Variants in NECTIN2 observed in about 807,000 individuals in gnomAD.
The protein encoded by NECTIN2 is nectin cell adhesion molecule 2.
In NECTIN2, 23 loss-of-function variants were observed where a neutral mutation model predicts 56.9. The observed-to-expected ratio is 0.40, with a 90% CI of 0.29 to 0.57. The LOEUF is 0.57. Ranked by LOEUF, NECTIN2 falls within the 20% of genes least tolerant of loss-of-function variation. The probability of loss-of-function intolerance (pLI) is 0.38; values close to 1 mark genes in which losing one functional copy is unlikely to be tolerated. For synonymous variants in NECTIN2, 302 were observed against 313.8 expected, an observed-to-expected ratio of 0.96 and a Z score of 0.40; for missense variants, 587 against 718.3, an observed-to-expected ratio of 0.82 and a Z score of 2.09.
intron 1 of NECTIN2, among the ~76,000 whole-genome samples, chr19:44,857,797 C>T (rs1226343398): frequency 1.3e-5 from 2 of 150,468 alleles, no homozygotes; most frequent in African/African-American, 2.5e-5. Context: ...CCACCCACTT[C>T]GGCCTCCCAT....
In NECTIN2 at chr19:44,889,066, C is replaced by T. The variant is rs1264492006; in HGVS notation, c.*687C>T. ...GCCCCAGCCTTGGGAGAAGAATTTA[C>T]TGTTAACCTGGAAGACTACTGAATC... On this transcript the variant is annotated 3_prime_UTR_variant, in exon 9 of 9. Transcript: ENST00000252483. 6.6e-6 allele frequency: 1 copy of T among 151,872 alleles called. No homozygotes were observed. The highest frequency in any genetic ancestry group is 2.4e-5 in the African/African-American group (1 of 41,378). The allele number at this position is 151,872 out of a possible 1,614,324, so 9.4% of individuals were successfully genotyped here. A position where few individuals can be genotyped will look rare whatever the true frequency, so the allele number is the denominator to read the frequency against.
chr19:44,860,372 G>A (rs1300530271), intron 1 of NECTIN2, among the ~76,000 whole-genome samples: 1 of 152,002 alleles, frequency 6.6e-6, no homozygotes, highest in Non-Finnish European at 1.5e-5. Context: ...AATTAGCTGG[G>A]TTTGGTGGCT....
chr19:44,848,789 TCTC>T (rs1007397608), intron 1 of NECTIN2, among the ~76,000 whole-genome samples: 21 of 151,808 alleles, frequency 1.4e-4, no homozygotes, highest in African/African-American at 4.6e-4. Context: ...CTTTCTCTCT[TCTC>T]CTCTCCCCAT....
At chr19:44,861,182 G>A (rs891427975) in intron 1 of NECTIN2, among the ~76,000 whole-genome samples, 7 of 152,110 alleles carry the variant, frequency 4.6e-5, no homozygotes, top group African/African-American at 1.2e-4. Flanking sequence ...TAAAGGGACC[G>A]CTTACCCACT....
intron 5 of NECTIN2, chr19:44,881,877 G>A (rs368375013): frequency 3.2e-5 from 6 of 185,244 alleles, no homozygotes; most frequent in Middle Eastern, 2.2e-3. Flanking sequence ...TATCACTTCC[G>A]CACTGTATAT....
chr19:44,868,266 G>T (rs1316573453), intron 2 of NECTIN2, among the ~76,000 whole-genome samples: 2 of 151,388 alleles, frequency 1.3e-5, no homozygotes, highest in Non-Finnish European at 2.9e-5. Context: ...AAGAGGCTGA[G>T]GTGGGAGGAT....
intron 1 of NECTIN2, among the ~76,000 whole-genome samples, chr19:44,849,291 G>C (rs1007595890): frequency 1.3e-5 from 2 of 152,112 alleles, no homozygotes; most frequent in Non-Finnish European, 2.9e-5. Flanking sequence ...AAGGGAGCTA[G>C]ACATAGATAC....
At chr19:44,882,556 A>C (rs1377657458) in intron 6 of NECTIN2, among the ~76,000 whole-genome samples, 192 bp downstream of exon 6, 1 of 151,932 alleles carries the variant, frequency 6.6e-6, no homozygotes, top group Admixed American at 6.6e-5. Context: ...GAATTTAAAA[A>C]TTAGCTGGGG....
intron 1 of NECTIN2, among the ~76,000 whole-genome samples, chr19:44,849,295 T>G (rs1322672210): frequency 2.6e-5 from 4 of 151,226 alleles, no homozygotes; most frequent in African/African-American, 9.7e-5. Flanking sequence ...GAGCTAGACA[T>G]AGATACCAGA....
intron 2 of NECTIN2, among the ~76,000 whole-genome samples, chr19:44,870,215 G>A (rs559352418): frequency 3.3e-5 from 5 of 152,318 alleles, no homozygotes; most frequent in African/African-American, 7.2e-5. Context: ...TGAGGAGGGC[G>A]TGGATGGGGA....
intron 1 of NECTIN2, among the ~76,000 whole-genome samples, chr19:44,864,022 C>CCA (rs1555786364): frequency 2.0e-4 from 29 of 148,276 alleles, no homozygotes; most frequent in African/African-American, 4.7e-4. Context: ...TCCCCCCCCC[C>CCA]AAAAAAAAAT....
Position 44,874,389 on chromosome 19 carries a change from C to T in NECTIN2, c.953C>T (p.Ala318Val), listed in dbSNP as rs1435447572. Residue 318 changes from alanine to valine, a missense_variant, in exon 5 of 9, where the codon GCA (alanine) becomes GTA (valine). Coordinates refer to ENST00000252483, the MANE Select transcript of NECTIN2 (RefSeq NM_001042724.2). This position sits in a 1 kb window ranked among gnomAD's most constrained non-coding sequence, Gnocchi z 6.3. Reference sequence around the variant, plus strand: ...CAGGGCTCCCAGCTGGTCATCCACGCAGTGGACAGTCTGTTCAATACCACC... The same window carrying T: ...CAGGGCTCCCAGCTGGTCATCCACGTAGTGGACAGTCTGTTCAATACCACC... ...VAQGSQLVIH[A>V]VDSLFNTTFV... The T allele has an allele frequency of 1.9e-6, 3 of 1,614,138 alleles. No homozygotes were observed. The Admixed American group carries it at 5.0e-5, about 27-fold the overall frequency.
At chr19:44,870,722 T>G (rs1185503296) in intron 2 of NECTIN2, among the ~76,000 whole-genome samples, 2 of 151,642 alleles carry the variant, frequency 1.3e-5, no homozygotes, top group African/African-American at 4.9e-5. Flanking sequence ...TTTGCTTTTT[T>G]TTTTTCCTTT....
At position 44,886,234 on chromosome 19, in the gene NECTIN2, G is replaced by A; in HGVS notation, c.1347+15G>A. The A allele has an allele frequency of 1.2e-6, 2 of 1,600,548 alleles. No individual in the cohort carries two copies. The highest frequency in any genetic ancestry group is 4.5e-5 in the East Asian group (2 of 44,814). On this transcript the variant is annotated intron_variant, in intron 8 of 8. Coordinates refer to ENST00000252483, the MANE Select transcript of NECTIN2 (RefSeq NM_001042724.2). Reference sequence around the variant, plus strand: ...GCACTGAGCAGGTAGGAGCTCATGGGAAGACAAAGGTGGGTTGGGGGTCTG... The same window carrying A: ...GCACTGAGCAGGTAGGAGCTCATGGAAAGACAAAGGTGGGTTGGGGGTCTG...
intron 6 of NECTIN2, among the ~76,000 whole-genome samples, chr19:44,885,554 C>T (rs375454686): frequency 1.3e-5 from 2 of 148,410 alleles, no homozygotes; most frequent in South Asian, 2.2e-4. Context: ...TCAGATGATC[C>T]GCCCGCCTCA....
In NECTIN2 at chr19:44,882,316, GGCA is replaced by G; in HGVS notation, c.1154_1156del (p.Gln385del). On this transcript the variant is annotated inframe_deletion, in exon 6 of 9. Transcript: ENST00000252483. ...GCTGCCACGGGCATCCTTATCTGCCGGCAGCAGCGGAAGGAGCAGACGCTGCAG... is the reference window on the plus strand; with the variant it reads ...GCTGCCACGGGCATCCTTATCTGCCGGCAGCGGAAGGAGCAGACGCTGCAG... The G allele has an allele frequency of 6.5e-7, 1 of 1,546,508 alleles. No individual in the cohort carries two copies. The highest frequency in any genetic ancestry group is 8.7e-7 in the Non-Finnish European group (1 of 1,145,376).
intron 1 of NECTIN2, among the ~76,000 whole-genome samples, chr19:44,857,872 A>G: frequency 6.6e-6 from 1 of 152,120 alleles, no homozygotes; most frequent in Non-Finnish European, 1.5e-5. Context: ...AGGAACAAAG[A>G]AGAGAGAGTT....
intron 1 of NECTIN2, among the ~76,000 whole-genome samples, chr19:44,860,632 TTTTTC>T (rs1036519374): frequency 3.3e-5 from 5 of 151,714 alleles, no homozygotes; most frequent in South Asian, 2.1e-4. Flanking sequence ...TATATATTGT[TTTTTC>T]TTTTCTTTTC....
chr19:44,853,270 C>T (rs1968922564), intron 1 of NECTIN2, among the ~76,000 whole-genome samples: 1 of 152,114 alleles, frequency 6.6e-6, no homozygotes, highest in South Asian at 2.1e-4. Context: ...GATCTCAGCT[C>T]ACTGCAAGCT....
Sources: allele counts gnomAD v4.1 joint callset (sites outside exome capture counted in the v4.1 genomes callset), GRCh38; gene constraint gnomAD v4.1.1; non-coding constraint Gnocchi (gnomAD v3.1); transcripts MANE v1.5; gene names NCBI Gene and HGNC (gene_info 2026-07-23, HGNC 2026-07-21).